Variants in TBC1D4 observed in about 807,000 individuals in gnomAD.
TBC1D4 encodes the protein TBC1 domain family member 4, also known as TBC (Tre-2, BUB2, CDC16) domain-containing protein.
A neutral mutation model predicts 142.5 loss-of-function variants in TBC1D4; 121 were observed. That is an observed-to-expected ratio of 0.85 (90% CI 0.73 to 0.99). The LOEUF is 0.99. Ranked by LOEUF, TBC1D4 falls within the 50% of genes least tolerant of loss-of-function variation. The pLI, the probability that TBC1D4 is intolerant of heterozygous loss-of-function variation, is 0.00. For missense variants in TBC1D4, 1,475 were observed against 1,606.6 expected (o/e 0.92, Z 1.40); for synonymous variants, 630 against 628.2 (o/e 1.00, Z -0.04).
intron 5 of TBC1D4, among the ~76,000 whole-genome samples, chr13:75,347,086 A>T (rs1287099158): frequency 6.6e-6 from 1 of 152,020 alleles, no homozygotes; most frequent in African/African-American, 2.4e-5. Context: ...GTGCAATGTT[A>T]GGTTAATGAG....
At chr13:75,338,896 C>T (rs181650532) in intron 7 of TBC1D4, among the ~76,000 whole-genome samples, 1 of 152,332 alleles carries the variant, frequency 6.6e-6, no homozygotes, top group African/African-American at 2.4e-5. Flanking sequence ...CACAGCAACT[C>T]CCTCTCCCTT....
At chr13:75,433,818 C>T (rs1886684713) in intron 1 of TBC1D4, among the ~76,000 whole-genome samples, 1 of 151,982 alleles carries the variant, frequency 6.6e-6, no homozygotes, top group African/African-American at 2.4e-5. Flanking sequence ...AACAAATTTA[C>T]AAGGGAAAAA....
At position 75,482,091 on chromosome 13, in the gene TBC1D4, C is replaced by T. The variant is rs992542102; in HGVS notation, c.-324G>A. On this transcript the variant is annotated 5_prime_UTR_variant, in exon 1 of 21. Coordinates refer to ENST00000377636, the MANE Select transcript of TBC1D4 (RefSeq NM_014832.5). ...TCGCGGGTTTGCAGGGTCAGAGGACCACGCCGAGGGTCCCCGCGGCCGCCG... is the reference window on the plus strand; with the variant it reads ...TCGCGGGTTTGCAGGGTCAGAGGACTACGCCGAGGGTCCCCGCGGCCGCCG... 1.1e-5 allele frequency: 3 copies of T among 268,732 alleles called. No individual in the cohort carries two copies. Among genetic ancestry groups the T allele is most frequent in the Non-Finnish European group, 6.9e-6 (1 of 144,332 alleles). The allele number at this position is 268,732 out of a possible 1,614,324, so 16.6% of individuals were successfully genotyped here. A position where few individuals can be genotyped will look rare whatever the true frequency, so the allele number is the denominator to read the frequency against.
chr13:75,470,833 A>C (rs1226820389), intron 1 of TBC1D4, among the ~76,000 whole-genome samples: 6 of 152,158 alleles, frequency 3.9e-5, no homozygotes, highest in African/African-American at 1.4e-4. Context: ...CAAAAAATAC[A>C]TAAACTAGCC....
At chr13:75,394,660 C>A (rs565919146) in intron 1 of TBC1D4, among the ~76,000 whole-genome samples, 3 of 152,184 alleles carry the variant, frequency 2.0e-5, no homozygotes, top group South Asian at 2.1e-4. Context: ...GCTAGATTTG[C>A]GAATCTTTAA....
rs551174377 is a variant in TBC1D4 at position 75,459,884 on chromosome 13, T to C, written c.498+21386A>G. ...TTGGCAAGGCGCGGTGGCTCACGCC[T>C]GTAATCCCAGCACTTTGGGAAGCTG... On this transcript the variant is annotated intron_variant, in intron 1 of 20. Transcript: ENST00000377636. 5.7e-3 allele frequency among the ~76,000 whole-genome samples: 862 copies of C among 152,350 alleles called. 8 individuals are homozygous for C. Among genetic ancestry groups the C allele is most frequent in the African/African-American group, 0.019 (776 of 41,586 alleles).
At chr13:75,373,150 AGC>A (rs1883310371) in intron 1 of TBC1D4, among the ~76,000 whole-genome samples, 1 of 152,198 alleles carries the variant, frequency 6.6e-6, no homozygotes, top group African/African-American at 2.4e-5. Context: ...GACAAACTCT[AGC>A]TGAGATCAGT....
intron 1 of TBC1D4, among the ~76,000 whole-genome samples, chr13:75,401,552 G>T (rs1348596066): frequency 1.3e-5 from 2 of 152,114 alleles, no homozygotes; most frequent in African/African-American, 4.8e-5. Context: ...TTCCTATCAA[G>T]AATTATGTAC....
chr13:75,313,047 T>C lies in TBC1D4; in HGVS notation c.2223-149A>G. On this transcript the variant is annotated intron_variant, in intron 12 of 20. Coordinates refer to ENST00000377636, the MANE Select transcript of TBC1D4 (RefSeq NM_014832.5). The stretch of plus-strand genomic sequence containing the variant: ...TGGAGCAATGCATCACCAGGCACAC[T>C]AGTCACCCAGGCCACCACATCCTGG... 3 of 847,572 alleles carry C rather than the reference T, an allele frequency of 3.5e-6. No homozygotes were observed. In the Admixed American group the frequency reaches 6.0e-5, roughly 17 times the overall value. 52.5% of individuals were successfully genotyped at this position (847,572 alleles called of 1,614,324 possible).
chr13:75,361,727 G>A (rs1882532468), intron 2 of TBC1D4, among the ~76,000 whole-genome samples: 1 of 152,166 alleles, frequency 6.6e-6, no homozygotes, highest in South Asian at 2.1e-4. Context: ...CAAGGCAAAT[G>A]CTGGTTATAG....
chr13:75,466,668 C>T (rs11620109), intron 1 of TBC1D4, among the ~76,000 whole-genome samples: 88,588 of 151,640 alleles, frequency 0.58, 26,108 homozygotes, highest in East Asian at 0.7. Context: ...GTCAGCAGTT[C>T]GAGACCAGCC....
chr13:75,382,366 C>A (rs763863984), intron 1 of TBC1D4, among the ~76,000 whole-genome samples: 5 of 152,168 alleles, frequency 3.3e-5, no homozygotes, highest in Non-Finnish European at 5.9e-5. Context: ...AAATAAATTA[C>A]ACTGGGCTGC....
chr13:75,298,133 T>C (rs553046596), intron 17 of TBC1D4, among the ~76,000 whole-genome samples: 24 of 152,330 alleles, frequency 1.6e-4, no homozygotes, highest in African/African-American at 5.8e-4. Context: ...AAAGCATCTT[T>C]AAACTATTAC....
intron 1 of TBC1D4, among the ~76,000 whole-genome samples, chr13:75,466,712 A>C (rs1210997853): frequency 4.6e-5 from 7 of 151,894 alleles, no homozygotes; most frequent in Non-Finnish European, 8.8e-5. Flanking sequence ...CTCTACTAAA[A>C]ATACAAAAAT....
At chr13:75,453,686 AC>A in intron 1 of TBC1D4, among the ~76,000 whole-genome samples, 1 of 152,102 alleles carries the variant, frequency 6.6e-6, no homozygotes, top group South Asian at 2.1e-4. Flanking sequence ...ACATGGCAAA[AC>A]CCCGTCTCTA....
chr13:75,320,290 G>C (rs1238684785), intron 11 of TBC1D4, among the ~76,000 whole-genome samples: 1 of 151,994 alleles, frequency 6.6e-6, no homozygotes, highest in Non-Finnish European at 1.5e-5. Context: ...GTGAATAGAA[G>C]TAGTATCTAT....
At chr13:75,355,756 T>C (rs1159709255) in intron 4 of TBC1D4, among the ~76,000 whole-genome samples, 1 of 152,224 alleles carries the variant, frequency 6.6e-6, no homozygotes, top group African/African-American at 2.4e-5. Flanking sequence ...AAAATAGCTC[T>C]CTGTTCTGCT....
intron 5 of TBC1D4, among the ~76,000 whole-genome samples, chr13:75,342,899 A>G (rs1243705257): frequency 6.6e-6 from 1 of 151,978 alleles, no homozygotes; most frequent in African/African-American, 2.4e-5. Flanking sequence ...ATTTGTTATT[A>G]TAAGGCTGCC....
intron 1 of TBC1D4, among the ~76,000 whole-genome samples, chr13:75,449,123 T>A (rs902090413): frequency 6.6e-6 from 1 of 152,030 alleles, no homozygotes; most frequent in East Asian, 1.9e-4. Context: ...ACACATATAA[T>A]ACTAACGTGT....
Sources: gnomAD v4.1 joint callset for allele counts (sites outside exome capture counted in the v4.1 genomes callset) on GRCh38, gnomAD v4.1.1 for gene constraint, MANE v1.5 for transcripts, NCBI Gene and HGNC (gene_info 2026-07-23, HGNC 2026-07-21) for gene names.